ECE1: variants seen among roughly 807,000 people sequenced by gnomAD.
ECE1 encodes the protein endothelin-converting enzyme 1.
Under a neutral mutation model 98.6 loss-of-function variants are expected in ECE1, and 35 were observed. The observed-to-expected ratio is 0.35, with a 90% CI of 0.27 to 0.47. The LOEUF (loss-of-function observed/expected upper bound fraction) is 0.47, where lower values mean the gene tolerates loss of function less well. Ranked by LOEUF, ECE1 falls within the 20% of genes least tolerant of loss-of-function variation. The pLI is 1.00. For synonymous variants in ECE1, 394 were observed against 407.1 expected (o/e 0.97, Z 0.39); for missense variants, 814 against 1,025.3 (o/e 0.79, Z 2.81).
chr1:21,321,370 C>T (rs1638960204), intron 1 of ECE1, among the ~76,000 whole-genome samples: 1 of 152,206 alleles, frequency 6.6e-6, no homozygotes, highest in Non-Finnish European at 1.5e-5. Context: ...GTGTGAATAA[C>T]ATAAGAGGAA....
At position 21,290,035 on chromosome 1, in the gene ECE1, C is replaced by G; in HGVS notation, c.138+35G>C. On this transcript the variant is annotated intron_variant, in intron 2 of 18. Transcript: ENST00000374893. This position sits in a 1 kb window ranked among gnomAD's most constrained non-coding sequence, Gnocchi z 7.3. Reference sequence around the variant, plus strand: ...GCAGCGCGCATGCCCGGGCCCGGGGCGCCTGGACCTCGGGAGGGAGCGGAG... The same window carrying G: ...GCAGCGCGCATGCCCGGGCCCGGGGGGCCTGGACCTCGGGAGGGAGCGGAG... 1 of 1,310,430 alleles carries G rather than the reference C, an allele frequency of 7.6e-7. No homozygotes were observed. Among genetic ancestry groups the G allele is most frequent in the Middle Eastern group, 2.5e-4 (1 of 3,992 alleles). 81.2% of individuals were successfully genotyped at this position (1,310,430 alleles called of 1,614,324 possible). A position where few individuals can be genotyped will look rare whatever the true frequency, so the allele number is the denominator to read the frequency against.
chr1:21,332,583 A>G (rs1466414492), intron 1 of ECE1, among the ~76,000 whole-genome samples: 1 of 66,088 alleles, frequency 1.5e-5, no homozygotes, highest in Admixed American at 2.2e-4. Context: ...GATCTGTGTT[A>G]GTCCAGGGGG....
chr1:21,300,389 T>C (rs967557317), intron 1 of ECE1, among the ~76,000 whole-genome samples: 3 of 152,114 alleles, frequency 2.0e-5, no homozygotes, highest in Admixed American at 6.5e-5. Flanking sequence ...AAGGACAAAA[T>C]TGCATCACAC....
intron 1 of ECE1, among the ~76,000 whole-genome samples, chr1:21,303,291 C>T (rs2103380702): frequency 6.6e-6 from 1 of 152,366 alleles, no homozygotes; most frequent in South Asian, 2.1e-4. Context: ...GCCTCACCCT[C>T]CACCCTTGCC....
intron 1 of ECE1, among the ~76,000 whole-genome samples, chr1:21,333,155 G>C (rs1024428441): frequency 2.0e-5 from 3 of 152,116 alleles, no homozygotes; most frequent in African/African-American, 7.2e-5. Flanking sequence ...CATGGCCCTT[G>C]GTCTTAACCA....
chr1:21,234,286 C>T (rs28368024), intron 13 of ECE1, among the ~76,000 whole-genome samples: 31,637 of 151,582 alleles, frequency 0.21, 4,290 homozygotes, highest in Non-Finnish European at 0.3. Context: ...CCACGCCCGG[C>T]CACTAATAAG....
At chr1:21,336,814 G>A (rs1409258633) in intron 1 of ECE1, among the ~76,000 whole-genome samples, 2 of 152,152 alleles carry the variant, frequency 1.3e-5, no homozygotes, top group South Asian at 2.1e-4. Context: ...CTGCACTCCA[G>A]CTTGGGCGAC....
intron 1 of ECE1, among the ~76,000 whole-genome samples, chr1:21,342,733 A>C (rs1164034899): frequency 6.6e-6 from 1 of 152,144 alleles, no homozygotes; most frequent in Non-Finnish European, 1.5e-5. Context: ...ATTTGTTTAA[A>C]AGCCGCGGAG....
intron 17 of ECE1, among the ~76,000 whole-genome samples, chr1:21,223,011 G>A (rs1276686516): frequency 6.6e-6 from 1 of 151,810 alleles, no homozygotes; most frequent in Non-Finnish European, 1.5e-5. Flanking sequence ...GGGTCTTACT[G>A]TCACCCAGGC....
chr1:21,238,281 G>T (rs372517733), intron 10 of ECE1, 37 bp from the exon 11 acceptor site: 1 of 1,536,744 alleles, frequency 6.5e-7, no homozygotes, highest in Non-Finnish European at 9.0e-7. Flanking sequence ...CTGGGCCCCA[G>T]CCCTTTGTTT....
chr1:21,288,748 A>C lies in ECE1; in HGVS notation c.138+1322T>G, dbSNP rs186575062. Reference sequence around the variant, plus strand: ...ATTTCCTGCTGGCTTCAGCCTCTTAAGAAGAGTCCACTGGGAAGAGGTTTG... The same window carrying C: ...ATTTCCTGCTGGCTTCAGCCTCTTACGAAGAGTCCACTGGGAAGAGGTTTG... On this transcript the variant is annotated intron_variant, in intron 2 of 18. Transcript: ENST00000374893. Among the ~76,000 whole-genome samples the C allele has an allele frequency of 1.3e-4, 20 of 152,340 alleles. No homozygotes were observed. In the East Asian group the frequency reaches 3.3e-3, roughly 25 times the overall value.
At chr1:21,318,856 C>T (rs528572853) in intron 1 of ECE1, among the ~76,000 whole-genome samples, 7 of 152,156 alleles carry the variant, frequency 4.6e-5, no homozygotes, top group Non-Finnish European at 1.5e-5. Flanking sequence ...GCACTTCTGT[C>T]GGGGGAGACG....
At chr1:21,333,833 CAA>C (rs750240985) in intron 1 of ECE1, among the ~76,000 whole-genome samples, 1 of 139,462 alleles carries the variant, frequency 7.2e-6, no homozygotes. Flanking sequence ...GACTCCGTCT[CAA>C]AAAAAAAAAA....
At chr1:21,253,852 T>C (rs212521) in intron 8 of ECE1, among the ~76,000 whole-genome samples, 100,034 of 150,018 alleles carry the variant, frequency 0.67, 33,938 homozygotes, top group African/African-American at 0.8. Flanking sequence ...GGGTGGATTA[T>C]GAGGTCAGGA....
intron 2 of ECE1, among the ~76,000 whole-genome samples, chr1:21,283,310 G>A (rs149972020): frequency 0.013 from 1,876 of 145,198 alleles, 20 homozygotes; most frequent in Middle Eastern, 0.023. Context: ...TCACTGTGTC[G>A]CCCAGGCTGG....
chr1:21,301,682 G>C (rs1237974038), intron 1 of ECE1, among the ~76,000 whole-genome samples: 1 of 151,532 alleles, frequency 6.6e-6, no homozygotes, highest in Non-Finnish European at 1.5e-5. Flanking sequence ...GCCAGGTATG[G>C]TGGCGTGGTG....
chr1:21,311,936 C>T (rs1467269073), intron 1 of ECE1, among the ~76,000 whole-genome samples: 1 of 149,098 alleles, frequency 6.7e-6, no homozygotes, highest in East Asian at 2.0e-4. Flanking sequence ...CCAGCCTGGC[C>T]AAATGGTGAA....
intron 16 of ECE1, 112 bp downstream of exon 16, chr1:21,227,047 G>T: frequency 9.7e-7 from 1 of 1,034,048 alleles, no homozygotes; most frequent in Non-Finnish European, 1.5e-6. Context: ...AGTAGAGATG[G>T]AGGTCTTGCT....
At chr1:21,283,273 T>A (rs113226747) in intron 2 of ECE1, among the ~76,000 whole-genome samples, 3,048 of 129,670 alleles carry the variant, frequency 0.024, 99 homozygotes, top group African/African-American at 0.068. Flanking sequence ...GAATTTTTTT[T>A]AAATTTTTTT....
Sources: gnomAD v4.1 joint callset for allele counts (sites outside exome capture counted in the v4.1 genomes callset) on GRCh38, gnomAD v4.1.1 for gene constraint, Gnocchi (gnomAD v3.1) non-coding constraint, MANE v1.5 for transcripts, NCBI Gene and HGNC (gene_info 2026-07-23, HGNC 2026-07-21) for gene names.